Variants in SH3TC1 observed in about 807,000 individuals in gnomAD.
The protein encoded by SH3TC1 is SH3 domain and tetratricopeptide repeats 1.
SH3TC1 carries 135 observed loss-of-function variants against 117.3 expected under a neutral mutation model. The observed-to-expected ratio is 1.15, with a 90% CI of 1.00 to 1.33. SH3TC1 has a LOEUF of 1.33. Among genes scored for constraint, SH3TC1 ranks in the 40% most tolerant of loss-of-function variants. SH3TC1 has a pLI of 0.00. For synonymous variants in SH3TC1, 898 were observed against 816.9 expected, an observed-to-expected ratio of 1.10 and a Z score of -1.69; for missense variants, 2,092 against 1,794.3, an observed-to-expected ratio of 1.17 and a Z score of -3.00.
At chr4:8,216,061 TC>T in intron 5 of SH3TC1, 49 bp from the exon 6 acceptor site, 1 of 1,602,276 alleles carries the variant, frequency 6.2e-7, no homozygotes. Context: ...CTTCCCTGCC[TC>T]CCTGCCCCTC....
rs1721936366 is a variant in SH3TC1 at position 8,237,580 on chromosome 4, C to T, written c.3663C>T (p.Leu1221=). 5 of 1,612,490 alleles carry T rather than the reference C, an allele frequency of 3.1e-6. No individual in the cohort carries two copies. The highest frequency in any genetic ancestry group is 4.2e-6 in the Non-Finnish European group (5 of 1,179,656). The change falls in exon 17 of 18, where the codon CTC becomes CTT. Residue 1221 remains leucine (L), a synonymous_variant. Transcript: ENST00000245105. ...ACTTCTACCTCAAGGCCCTGTCGCT[C>T]TGCAACTCGCCGCTGGAGTTTGACG... ...AEHFYLKALS[L]CNSPLEFDEE...
rs564188735 is a variant in SH3TC1 at position 8,218,844 on chromosome 4, A to T, written c.917-491A>T. 1.3e-3 allele frequency among the ~76,000 whole-genome samples: 193 copies of T among 152,260 alleles called. 3 individuals are homozygous for T. Among genetic ancestry groups the T allele is most frequent in the African/African-American group, 4.5e-3 (188 of 41,538 alleles). ...CACTGCCAGCAGCCCTTCTCCTTGGATGCCGGGTCCAGCGCTTTGTGCTCT... is the reference window on the plus strand; with the variant it reads ...CACTGCCAGCAGCCCTTCTCCTTGGTTGCCGGGTCCAGCGCTTTGTGCTCT... On this transcript the variant is annotated intron_variant, in intron 8 of 17. Coordinates refer to ENST00000245105, the MANE Select transcript of SH3TC1 (RefSeq NM_018986.5).
intron 17 of SH3TC1, among the ~76,000 whole-genome samples, chr4:8,237,928 A>C (rs1048583463): frequency 1.3e-5 from 2 of 152,040 alleles, no homozygotes; most frequent in African/African-American, 4.8e-5. Flanking sequence ...CTCGGTAAAG[A>C]AGGGGGATTG....
In SH3TC1 at chr4:8,188,995, C is replaced by A. The variant is rs187420226; in HGVS notation, c.-57+6785C>A. Among the ~76,000 whole-genome samples, 3 of 152,384 alleles carry A rather than the reference C, an allele frequency of 2.0e-5. No homozygotes were observed. In the East Asian group the frequency reaches 5.8e-4, roughly 29 times the overall value. On this transcript the variant is annotated intron_variant, in intron 1 of 16. Transcript: ENST00000508641. Reference sequence around the variant, plus strand: ...GGGAGAGCTCAAACCTCACCTAGGGCAAGTCCGTGCCTGCTGCAAGCCGGT... The same window carrying A: ...GGGAGAGCTCAAACCTCACCTAGGGAAAGTCCGTGCCTGCTGCAAGCCGGT...
intron 14 of SH3TC1, among the ~76,000 whole-genome samples, chr4:8,234,590 T>C (rs1721639892): frequency 2.0e-5 from 3 of 151,722 alleles, no homozygotes; most frequent in Middle Eastern, 3.2e-3. Flanking sequence ...CACCCATCCA[T>C]CCATCCATCC....
intron 1 of SH3TC1, among the ~76,000 whole-genome samples, chr4:8,188,092 G>C (rs563948241): frequency 6.6e-6 from 1 of 152,216 alleles, no homozygotes; most frequent in Non-Finnish European, 1.5e-5. Flanking sequence ...TCCTGCCAGG[G>C]AATGTATTTC....
chr4:8,240,986 A>G lies in SH3TC1; in HGVS notation c.*31A>G, dbSNP rs762929995. The G allele has an allele frequency of 1.9e-6, 3 of 1,599,286 alleles. No homozygotes were observed. The highest frequency in any genetic ancestry group is 2.2e-5 in the South Asian group (2 of 90,984). On this transcript the variant is annotated 3_prime_UTR_variant, in exon 18 of 18. Coordinates refer to ENST00000245105, the MANE Select transcript of SH3TC1 (RefSeq NM_018986.5). ...GCATCCAAGGGAGTGGGTTTTGTGC[A>G]AGGGCTGGGGGTCTCCTGCCTCTCC...
chr4:8,188,892 A>G (rs1049161392), intron 1 of SH3TC1, among the ~76,000 whole-genome samples: 2 of 152,194 alleles, frequency 1.3e-5, no homozygotes, highest in African/African-American at 4.8e-5. Context: ...CCGGTGTCCC[A>G]GGGGGAGGTG....
At chr4:8,232,188 G>C (rs1721292253) in intron 13 of SH3TC1, 32 bp downstream of exon 13, 1 of 381,628 alleles carries the variant, frequency 2.6e-6, no homozygotes, top group Non-Finnish European at 5.0e-6. Context: ...GTGGGGGCGG[G>C]GGGAGGGGGC....
At chr4:8,188,422 C>G (rs1015126684) in intron 1 of SH3TC1, among the ~76,000 whole-genome samples, 2 of 152,248 alleles carry the variant, frequency 1.3e-5, no homozygotes, top group African/African-American at 4.8e-5. Context: ...GACTGCTCTC[C>G]TTTGTGGGAC....
At position 8,217,173 on chromosome 4, in the gene SH3TC1, T is replaced by C; in HGVS notation, c.839+6T>C. 6.3e-7 allele frequency: 1 copy of C among 1,596,416 alleles called. No individual in the cohort carries two copies. On this transcript the variant is annotated splice_donor_region_variant and intron_variant, in intron 7 of 17. Transcript: ENST00000245105. ...CCTTTGATTCCATTTCATCAGTAGG[T>C]ACCGGCCTTTGCTGCTCTGAGAGCT...
At chr4:8,232,834 C>T (rs1008204756) in intron 13 of SH3TC1, 1 of 1,278,732 alleles carries the variant, frequency 7.8e-7, no homozygotes, top group Non-Finnish European at 1.0e-6. Context: ...GAAAATGGGC[C>T]AGTGTGTTAG....
chr4:8,193,036 T>C (rs1357740627), intron 1 of SH3TC1, among the ~76,000 whole-genome samples: 1 of 152,246 alleles, frequency 6.6e-6, no homozygotes, highest in African/African-American at 2.4e-5. Context: ...TAGATAGTTT[T>C]CTTGGCATAT....
chr4:8,217,497 G>A (rs1165360225), intron 7 of SH3TC1, among the ~76,000 whole-genome samples: 1 of 152,264 alleles, frequency 6.6e-6, no homozygotes, highest in African/African-American at 2.4e-5. Context: ...CGTATCCAGA[G>A]TGAGAAGGCA....
chr4:8,215,525 C>T (rs1054226615), intron 5 of SH3TC1, among the ~76,000 whole-genome samples: 2 of 152,162 alleles, frequency 1.3e-5, no homozygotes. Context: ...GGGCAGCAGG[C>T]TTCCTGTCTC....
At position 8,214,166 on chromosome 4, in the gene SH3TC1, G is replaced by A. The variant is rs569679954; in HGVS notation, c.376-309G>A. Among the ~76,000 whole-genome samples the A allele has an allele frequency of 8.5e-5, 13 of 152,212 alleles. No individual in the cohort carries two copies. In the East Asian group the frequency reaches 1.5e-3, roughly 18 times the overall value. On this transcript the variant is annotated intron_variant, in intron 4 of 17. Transcript: ENST00000245105. ...ACCAGCTTAGGTCGGGAGAAGCGGC[G>A]GTCACTGGTGTGTGGGGGATAAGGC...
Position 8,241,021 on chromosome 4 carries a change from C to T in SH3TC1, c.*66C>T, listed in dbSNP as rs140103343. 91 of 1,567,740 alleles carry T rather than the reference C, an allele frequency of 5.8e-5. No individual in the cohort carries two copies. Among genetic ancestry groups the T allele is most frequent in the Non-Finnish European group, 7.2e-5 (83 of 1,159,968 alleles). The stretch of plus-strand genomic sequence containing the variant: ...GGTCTCCTGCCTCTCCTGGTGTCGC[C>T]GGTGGCTCATTTTCTGGCAAATGGA... On this transcript the variant is annotated 3_prime_UTR_variant, in exon 18 of 18. Coordinates refer to ENST00000245105, the MANE Select transcript of SH3TC1 (RefSeq NM_018986.5).
rs771955052 is a variant in SH3TC1 at position 8,205,298 on chromosome 4, T to C, written c.104T>C (p.Val35Ala). 2.6e-6 allele frequency: 4 copies of C among 1,550,270 alleles called. No individual in the cohort carries two copies. Among genetic ancestry groups the C allele is most frequent in the Non-Finnish European group, 2.6e-6 (3 of 1,146,974 alleles). The change falls in exon 2 of 18, where the codon GTG becomes GCG. Residue 35 changes from valine (V) to alanine (A), a missense_variant. Physicochemically the swap from Val to Ala is moderately conservative, Grantham distance 64. Coordinates refer to ENST00000245105, the MANE Select transcript of SH3TC1 (RefSeq NM_018986.5). The surrounding 1 kb of genome is among the most constrained non-coding windows in gnomAD (Gnocchi z 5.4). ...GGSTRDQVRT[V>A]VMRPSVSWEK... ...AGCACCCGGGACCAGGTCCGGACTGTGGTCATGAGGCCCTCTGTGAGCTGG... is the reference window on the plus strand; with the variant it reads ...AGCACCCGGGACCAGGTCCGGACTGCGGTCATGAGGCCCTCTGTGAGCTGG...
intron 1 of SH3TC1, among the ~76,000 whole-genome samples, chr4:8,200,697 T>G (rs191650273): frequency 6.2e-4 from 94 of 152,296 alleles, no homozygotes; most frequent in African/African-American, 2.1e-3. Flanking sequence ...GCCCTCTCGG[T>G]CGTGTTCTCT....
Sources: allele counts gnomAD v4.1 joint callset (sites outside exome capture counted in the v4.1 genomes callset), GRCh38; gene constraint gnomAD v4.1.1; non-coding constraint Gnocchi (gnomAD v3.1); transcripts MANE v1.5; gene names NCBI Gene and HGNC (gene_info 2026-07-23, HGNC 2026-07-21).